Variants in SLC35A1 observed in about 807,000 individuals in gnomAD.
SLC35A1 encodes CMP-sialic acid transporter.
Under a neutral mutation model 40.3 loss-of-function variants are expected in SLC35A1, and 21 were observed. That is an observed-to-expected ratio of 0.52 (90% CI 0.37 to 0.75). SLC35A1 has a LOEUF of 0.75. SLC35A1 is among the 30% of genes least tolerant of loss of function. SLC35A1 has a pLI of 0.00. For synonymous variants in SLC35A1, 146 were observed against 147.3 expected, an observed-to-expected ratio of 0.99 and a Z score of 0.06; for missense variants, 297 against 382.1, an observed-to-expected ratio of 0.78 and a Z score of 1.86.
chr6:87,501,395 A>G, intron 4 of SLC35A1, 85 bp downstream of exon 4: 4 of 1,310,552 alleles, frequency 3.1e-6, no homozygotes, highest in Non-Finnish European at 4.3e-6. Flanking sequence ...TGATGCATGC[A>G]GCATGACTAC....
intron 2 of SLC35A1, among the ~76,000 whole-genome samples, chr6:87,493,294 A>G (rs1317039068): frequency 6.6e-6 from 1 of 152,110 alleles, no homozygotes; most frequent in Non-Finnish European, 1.5e-5. Flanking sequence ...GAAATCATAC[A>G]TTTCTTCAAG....
intron 4 of SLC35A1, among the ~76,000 whole-genome samples, chr6:87,503,762 A>G (rs1769993405): frequency 6.6e-6 from 1 of 152,104 alleles, no homozygotes; most frequent in Non-Finnish European, 1.5e-5. Flanking sequence ...TTTTTTGCCA[A>G]ACATTATCTC....
chr6:87,473,620 G>GTTAGAAGGAACACT (rs1768984647), intron 1 of SLC35A1, among the ~76,000 whole-genome samples: 2 of 152,260 alleles, frequency 1.3e-5, no homozygotes, highest in African/African-American at 4.8e-5. Flanking sequence ...GCTGTATGCT[G>GTTAGAAGGAACACT]CTATTTGGGG....
chr6:87,506,457 T>C lies in SLC35A1; in HGVS notation c.574+9T>C. The C allele has an allele frequency of 6.2e-7, 1 of 1,610,086 alleles. No homozygotes were observed. Among genetic ancestry groups the C allele is most frequent in the Non-Finnish European group, 8.5e-7 (1 of 1,176,404 alleles). ...GTGCTCAGGATTTGCAGGTAAATCA[T>C]GAAAGCATTGTTTTATTCTTTTGTC... On this transcript the variant is annotated intron_variant, in intron 5 of 7. Coordinates refer to ENST00000369552, the MANE Select transcript of SLC35A1 (RefSeq NM_006416.5).
intron 1 of SLC35A1, among the ~76,000 whole-genome samples, chr6:87,473,408 C>T (rs1408469932): frequency 6.6e-6 from 1 of 152,202 alleles, no homozygotes; most frequent in Non-Finnish European, 1.5e-5. Flanking sequence ...CCCGCGGCTC[C>T]GGTCTCCTCT....
chr6:87,479,395 A>C (rs1402751824), intron 2 of SLC35A1, among the ~76,000 whole-genome samples: 3 of 152,200 alleles, frequency 2.0e-5, no homozygotes, highest in Non-Finnish European at 4.4e-5. Flanking sequence ...CCCGACAAGA[A>C]TAAGTACACC....
chr6:87,475,726 G>A (rs1200913084), intron 1 of SLC35A1, among the ~76,000 whole-genome samples: 2 of 152,162 alleles, frequency 1.3e-5, no homozygotes, highest in South Asian at 4.1e-4. Flanking sequence ...ATTTCCCTAT[G>A]AAAACTATCT....
intron 2 of SLC35A1, among the ~76,000 whole-genome samples, chr6:87,478,010 G>A (rs1482281685): frequency 6.6e-6 from 1 of 152,174 alleles, no homozygotes; most frequent in Non-Finnish European, 1.5e-5. Flanking sequence ...CATTTCTTGA[G>A]TGTTTCCTAT....
intron 2 of SLC35A1, among the ~76,000 whole-genome samples, chr6:87,496,975 T>C (rs1769751357): frequency 6.6e-6 from 1 of 152,114 alleles, no homozygotes; most frequent in South Asian, 2.1e-4. Flanking sequence ...TTTATGTAAC[T>C]TCAGTGAGTA....
chr6:87,498,873 C>A (rs1769827970), intron 2 of SLC35A1, among the ~76,000 whole-genome samples: 1 of 152,190 alleles, frequency 6.6e-6, no homozygotes, highest in Non-Finnish European at 1.5e-5. Context: ...TTTAAAGAGC[C>A]AATCTTCAGA....
rs1165171107 is a variant in SLC35A1, at chr6:87,492,598, A to C, written c.195-7910A>C. 8.3e-5 allele frequency among the ~76,000 whole-genome samples: 11 copies of C among 133,322 alleles called. No homozygotes were observed. In the East Asian group the frequency reaches 2.2e-3, roughly 27 times the overall value. 87.5% of individuals were successfully genotyped at this position (133,322 alleles called of 152,430 possible). A position where few individuals can be genotyped will look rare whatever the true frequency, so the allele number is the denominator to read the frequency against. On this transcript the variant is annotated intron_variant, in intron 2 of 7. Transcript: ENST00000369552. Reference sequence around the variant, plus strand: ...GTTTCACTCTTGTTGCCCAGGCTGGAGTGCAATGGCATGATCTCAGCTGAC... The same window carrying C: ...GTTTCACTCTTGTTGCCCAGGCTGGCGTGCAATGGCATGATCTCAGCTGAC...
chr6:87,481,466 C>T (rs1382787355), intron 2 of SLC35A1, among the ~76,000 whole-genome samples: 1 of 151,816 alleles, frequency 6.6e-6, no homozygotes, highest in African/African-American at 2.4e-5. Context: ...CTTTATAGTC[C>T]TTAGTGCCTT....
At chr6:87,507,323 T>C (rs1181406704) in intron 5 of SLC35A1, among the ~76,000 whole-genome samples, 1 of 152,176 alleles carries the variant, frequency 6.6e-6, no homozygotes, top group Admixed American at 6.5e-5. Flanking sequence ...ACTGATAGCA[T>C]TGTGTTCTAG....
intron 7 of SLC35A1, 107 bp downstream of exon 7, chr6:87,509,282 A>G (rs1271334379): frequency 4.3e-6 from 6 of 1,390,984 alleles, no homozygotes; most frequent in Admixed American, 3.4e-5. Flanking sequence ...GTTTACAGAA[A>G]TTCCTAGCTT....
intron 2 of SLC35A1, among the ~76,000 whole-genome samples, chr6:87,483,595 C>T (rs1769307332): frequency 1.3e-5 from 2 of 152,124 alleles, no homozygotes. Flanking sequence ...GGGTGTCTTC[C>T]CTCGCCTGTC....
intron 1 of SLC35A1, among the ~76,000 whole-genome samples, chr6:87,476,663 T>A (rs901291609): frequency 5.3e-5 from 8 of 152,016 alleles, no homozygotes; most frequent in African/African-American, 1.9e-4. Flanking sequence ...AGGTGGAGTT[T>A]GCAGTGAGCC....
chr6:87,497,949 CA>C (rs1769794007), intron 2 of SLC35A1, among the ~76,000 whole-genome samples: 1 of 151,124 alleles, frequency 6.6e-6, no homozygotes, highest in Non-Finnish European at 1.5e-5. Context: ...GGCTGGTCTC[CA>C]ACTCCTGGCC....
chr6:87,508,554 G>C lies in SLC35A1; in HGVS notation c.709G>C (p.Gly237Arg). Residue 237 changes from glycine (G) to arginine (R), a missense_variant, in exon 6 of 8, where the codon GGA (glycine) becomes CGA (arginine). By Grantham distance (125) the Gly-to-Arg change is moderately radical (BLOSUM62 -2). Coordinates refer to ENST00000369552, the MANE Select transcript of SLC35A1 (RefSeq NM_006416.5). ...AGATGGAGCTGAAATTAAAGAAAAA[G>C]GATTTTTCTATGGTTACACATATTA... ...LSDGAEIKEK[G>R]FFYGYTYYVW... is the part of the protein sequence containing the mutation. 6.8e-6 allele frequency: 11 copies of C among 1,612,962 alleles called. No homozygotes were observed. Among genetic ancestry groups the C allele is most frequent in the Non-Finnish European group, 9.3e-6 (11 of 1,179,520 alleles).
chr6:87,479,220 T>C lies in SLC35A1; in HGVS notation c.194+1681T>C, dbSNP rs117121837. On this transcript the variant is annotated intron_variant, in intron 2 of 7. Transcript: ENST00000369552. ...CTCTTGCATTTTCCTTACACCTCTT[T>C]CTCTTCAAACTTCTTTAACATGCCT... Among the ~76,000 whole-genome samples, 995 of 152,344 alleles carry C rather than the reference T, an allele frequency of 6.5e-3. 4 individuals carry two copies. The highest frequency in any genetic ancestry group is 9.7e-3 in the Non-Finnish European group (660 of 68,030).
Sources: allele counts gnomAD v4.1 joint callset (sites outside exome capture counted in the v4.1 genomes callset), GRCh38; gene constraint gnomAD v4.1.1; transcripts MANE v1.5; gene names NCBI Gene and HGNC (gene_info 2026-07-23, HGNC 2026-07-21).